MTURN: variants seen among roughly 807,000 people sequenced by gnomAD.
MTURN encodes maturin, neural progenitor differentiation regulator homolog.
MTURN carries 7 observed loss-of-function variants against 14.9 expected under a neutral mutation model. The ratio of observed to expected loss-of-function variants is 0.47; its 90% CI spans 0.27 to 0.88. MTURN has a LOEUF of 0.88. Among genes scored for constraint, MTURN ranks in the 40% least tolerant of loss-of-function variants. The pLI, the probability that MTURN is intolerant of heterozygous loss-of-function variation, is 0.14. For synonymous variants in MTURN, 69 were observed against 72.5 expected (o/e 0.95, Z 0.25); for missense variants, 151 against 174.1 (o/e 0.87, Z 0.75).
intron 2 of MTURN, among the ~76,000 whole-genome samples, chr7:30,149,143 T>A (rs925779061): frequency 1.3e-5 from 2 of 152,136 alleles, no homozygotes; most frequent in Non-Finnish European, 2.9e-5. Flanking sequence ...GCTAGCCACG[T>A]TAAATGAGGA....
intron 2 of MTURN, among the ~76,000 whole-genome samples, chr7:30,149,410 G>A (rs1261678929): frequency 6.6e-6 from 1 of 152,182 alleles, no homozygotes; most frequent in Admixed American, 6.5e-5. Context: ...CCCTCTGGCA[G>A]GGCCGGTTTA....
At position 30,160,838 on chromosome 7, in the gene MTURN, C is replaced by T. The variant is rs1233846358; in HGVS notation, c.*3290C>T. 6.6e-6 allele frequency: 1 copy of T among 152,306 alleles called. No individual in the cohort carries two copies. Among genetic ancestry groups the T allele is most frequent in the Non-Finnish European group, 1.5e-5 (1 of 68,048 alleles). The allele number at this position is 152,306 out of a possible 1,614,324, so 9.4% of individuals were successfully genotyped here. On this transcript the variant is annotated 3_prime_UTR_variant, in exon 3 of 3. Coordinates refer to ENST00000324453, the MANE Select transcript of MTURN (RefSeq NM_152793.3). ...TGAGGCCCCGTGTAGTGCCTGTCACCACTGTGGATTCACCTGCACTCAGGT... is the reference window on the plus strand; with the variant it reads ...TGAGGCCCCGTGTAGTGCCTGTCACTACTGTGGATTCACCTGCACTCAGGT...
intron 2 of MTURN, among the ~76,000 whole-genome samples, chr7:30,149,321 A>G (rs1797173601): frequency 6.6e-6 from 1 of 152,158 alleles, no homozygotes; most frequent in South Asian, 2.1e-4. Context: ...CCTTGTGGGC[A>G]GGGATGTGGC....
intron 2 of MTURN, among the ~76,000 whole-genome samples, chr7:30,152,382 C>T (rs1797224856): frequency 6.6e-6 from 1 of 152,128 alleles, no homozygotes; most frequent in African/African-American, 2.4e-5. Context: ...TGCCACATTT[C>T]CCAAATGCTT....
intron 1 of MTURN, among the ~76,000 whole-genome samples, chr7:30,142,535 G>C (rs1312270742): frequency 6.6e-6 from 1 of 152,170 alleles, no homozygotes; most frequent in East Asian, 1.9e-4. Flanking sequence ...GCGTCAGCTG[G>C]GAATTTGTTG....
rs757538874 is a variant in MTURN, at chr7:30,157,492, G to A, written c.340G>A (p.Val114Met). 2.4e-5 allele frequency: 38 copies of A among 1,607,452 alleles called. No homozygotes were observed. The highest frequency in any genetic ancestry group is 2.9e-5 in the Non-Finnish European group (34 of 1,177,314). ...TGCGTTTGAAGAGTACAGTGCTGAC[G>A]TGGAAGAAGAGGAGCCAGAGGCGGA... ...DDAFEEYSADVEEEEPEADHP... is the reference protein window; with the variant it reads ...DDAFEEYSADMEEEEPEADHP... Residue 114 changes from valine to methionine, a missense_variant, in exon 3 of 3, where the codon GTG becomes ATG. Val to Met is a conservative substitution (Grantham distance 21). Coordinates refer to ENST00000324453, the MANE Select transcript of MTURN (RefSeq NM_152793.3).
At chr7:30,152,804 C>T (rs188306064) in intron 2 of MTURN, among the ~76,000 whole-genome samples, 48 of 152,278 alleles carry the variant, frequency 3.2e-4, no homozygotes, top group African/African-American at 3.9e-4. Flanking sequence ...GACCTGTAGT[C>T]GGCCCTACAG....
intron 1 of MTURN, among the ~76,000 whole-genome samples, chr7:30,141,961 G>A (rs1404245186): frequency 6.6e-6 from 1 of 152,164 alleles, no homozygotes; most frequent in Non-Finnish European, 1.5e-5. Flanking sequence ...ACAGGAGTGT[G>A]TTCTTACCTC....
chr7:30,147,575 C>T (rs559055620), intron 2 of MTURN, among the ~76,000 whole-genome samples: 55 of 152,360 alleles, frequency 3.6e-4, no homozygotes, highest in Non-Finnish European at 6.5e-4. Context: ...AAGTTTCTAG[C>T]TGCTGCTTCC....
chr7:30,144,414 C>T (rs1797097589), intron 1 of MTURN, among the ~76,000 whole-genome samples: 1 of 152,220 alleles, frequency 6.6e-6, no homozygotes, highest in Admixed American at 6.5e-5. Context: ...TAAGAATCAA[C>T]TGGCATAATG....
At position 30,159,483 on chromosome 7, in the gene MTURN, G is replaced by A. The variant is rs896672716; in HGVS notation, c.*1935G>A. The A allele has an allele frequency of 6.6e-6, 1 of 152,554 alleles. No individual in the cohort carries two copies. The highest frequency in any genetic ancestry group is 2.4e-5 in the African/African-American group (1 of 41,420). 9.5% of individuals were successfully genotyped at this position (152,554 alleles called of 1,614,324 possible). On this transcript the variant is annotated 3_prime_UTR_variant, in exon 3 of 3. Transcript: ENST00000324453. ...GTTGAAGCTTAAAATCTAAATTTAT[G>A]TATGTTTGGAAATGGAATGGACATT...
intron 2 of MTURN, 148 bp downstream of exon 2, chr7:30,146,447 A>G (rs1797131361): frequency 1.8e-6 from 2 of 1,086,770 alleles, no homozygotes; most frequent in East Asian, 2.6e-5. Flanking sequence ...AGCAGCCAGT[A>G]TAGGGAGGCC....
chr7:30,135,983 C>CAT (rs1424860961), intron 1 of MTURN, among the ~76,000 whole-genome samples: 2 of 152,186 alleles, frequency 1.3e-5, no homozygotes, highest in East Asian at 3.9e-4. Flanking sequence ...CACACACACA[C>CAT]ATGCTCACAC....
intron 2 of MTURN, among the ~76,000 whole-genome samples, chr7:30,152,903 C>A (rs62447376): frequency 2.2e-3 from 337 of 152,216 alleles, no homozygotes; most frequent in Non-Finnish European, 3.2e-3. Context: ...GATAGATGGG[C>A]CCCAGCAGTG....
At chr7:30,138,066 C>G (rs545078509) in intron 1 of MTURN, among the ~76,000 whole-genome samples, 1 of 152,264 alleles carries the variant, frequency 6.6e-6, no homozygotes, top group Non-Finnish European at 1.5e-5. Flanking sequence ...CTCAGCTCCC[C>G]GTATTTGTGT....
rs1445036810 is a variant in MTURN, at chr7:30,158,943, A to T, written c.*1395A>T. 6.6e-6 allele frequency: 1 copy of T among 152,174 alleles called. No individual in the cohort carries two copies. The highest frequency in any genetic ancestry group is 1.5e-5 in the Non-Finnish European group (1 of 68,036). The allele number at this position is 152,174 out of a possible 1,614,324, so 9.4% of individuals were successfully genotyped here. On this transcript the variant is annotated 3_prime_UTR_variant, in exon 3 of 3. Transcript: ENST00000324453. ...TTTTGAATTAAAAACAAGCAGTAGC[A>T]GCAGAGGCCACAGAACTTATGGGAG... is the stretch of plus-strand genomic sequence containing the variant.
rs371825964 is a variant in MTURN, at chr7:30,161,439, C to T, written c.*3891C>T. 28 of 152,328 alleles carry T rather than the reference C, an allele frequency of 1.8e-4. No homozygotes were observed. Among genetic ancestry groups the T allele is most frequent in the East Asian group, 1.7e-3 (9 of 5,180 alleles). 9.4% of individuals were successfully genotyped at this position (152,328 alleles called of 1,614,324 possible). ...AAAAGTGCCCCCCAGCCAAGGAGAC[C>T]AACAGGAACCCTGCTCATCTGGTAG... On this transcript the variant is annotated 3_prime_UTR_variant, in exon 3 of 3. Transcript: ENST00000324453.
Position 30,159,458 on chromosome 7 carries a change from G to A in MTURN, c.*1910G>A, listed in dbSNP as rs150819374. ...TGGAAGGTAAACTGAAATTTTATAC[G>A]TTGAAGCTTAAAATCTAAATTTATG... On this transcript the variant is annotated 3_prime_UTR_variant, in exon 3 of 3. Coordinates refer to ENST00000324453, the MANE Select transcript of MTURN (RefSeq NM_152793.3). The A allele has an allele frequency of 1.3e-5, 2 of 152,394 alleles. No individual in the cohort carries two copies. Among genetic ancestry groups the A allele is most frequent in the African/African-American group, 4.8e-5 (2 of 41,416 alleles). 9.4% of individuals were successfully genotyped at this position (152,394 alleles called of 1,614,324 possible). A position where few individuals can be genotyped will look rare whatever the true frequency, so the allele number is the denominator to read the frequency against.
In MTURN at chr7:30,158,802, CCCTGGTTTTAGTTAA is replaced by C. The variant is rs1037943201; in HGVS notation, c.*1258_*1272del. On this transcript the variant is annotated 3_prime_UTR_variant, in exon 3 of 3. Transcript: ENST00000324453. ...GAATTATTCCTGGACCCTTCTGCATCCCTGGTTTTAGTTAACCTAGGATGCGGAATGCCTCCTTTA... is the reference window on the plus strand; with the variant it reads ...GAATTATTCCTGGACCCTTCTGCATCCCTAGGATGCGGAATGCCTCCTTTA... The C allele has an allele frequency of 6.6e-6, 1 of 152,168 alleles. No individual in the cohort carries two copies. Among genetic ancestry groups the C allele is most frequent in the African/African-American group, 2.4e-5 (1 of 41,424 alleles). The allele number at this position is 152,168 out of a possible 1,614,324, so 9.4% of individuals were successfully genotyped here. A position where few individuals can be genotyped will look rare whatever the true frequency, so the allele number is the denominator to read the frequency against.
Sources: gnomAD v4.1 joint callset for allele counts (sites outside exome capture counted in the v4.1 genomes callset) on GRCh38, gnomAD v4.1.1 for gene constraint, MANE v1.5 for transcripts, NCBI Gene and HGNC (gene_info 2026-07-23, HGNC 2026-07-21) for gene names.